Variants in FER1L6 observed in about 807,000 individuals in gnomAD.
The protein encoded by FER1L6 is fer-1 like family member 6.
In FER1L6, 177 loss-of-function variants were observed where a neutral mutation model predicts 219.2. The ratio of observed to expected loss-of-function variants is 0.81; its 90% confidence interval spans 0.71 to 0.91. The LOEUF (loss-of-function observed/expected upper bound fraction) is 0.91, where lower values mean the gene tolerates loss of function less well. FER1L6 is among the 40% of genes least tolerant of loss of function. The pLI is 0.00. For synonymous variants in FER1L6, 768 were observed against 824.3 expected (o/e 0.93, Z 1.17); for missense variants, 2,153 against 2,259.9 (o/e 0.95, Z 0.96).
chr8:123,941,892 G>A (rs1325639372), intron 1 of FER1L6, among the ~76,000 whole-genome samples: 5 of 152,024 alleles, frequency 3.3e-5, no homozygotes, highest in African/African-American at 1.2e-4. Flanking sequence ...GATCAGCTGT[G>A]TACCCTCGGA....
In FER1L6 at chr8:123,973,422, C is replaced by T; in HGVS notation, c.448-12C>T. 2 of 1,609,848 alleles carry T rather than the reference C, an allele frequency of 1.2e-6. No homozygotes were observed. The highest frequency in any genetic ancestry group is 1.7e-6 in the Non-Finnish European group (2 of 1,176,038). ...GTAAATCTGCCATACTCCCTGCTCT[C>T]TCTCTCCTCAGGTCTTTCACCACAA... On this transcript the variant is annotated splice_polypyrimidine_tract_variant and intron_variant, in intron 6 of 40. Coordinates refer to ENST00000522917, the MANE Select transcript of FER1L6 (RefSeq NM_001039112.2).
In FER1L6 at chr8:123,853,856, G is replaced by A. The variant is rs992462202; in HGVS notation, c.-8+1671G>A. On this transcript the variant is annotated intron_variant, in intron 1 of 40. Transcript: ENST00000522917. This position sits in a 1 kb window ranked among gnomAD's most constrained non-coding sequence, Gnocchi z 6.6. ...ATGAAGCCACAGTGATGCTACCCAG[G>A]GACTCTGCAGAGCTGCCAGTCTCCT... Among the ~76,000 whole-genome samples the A allele has an allele frequency of 2.0e-5, 3 of 152,170 alleles. No individual in the cohort carries two copies. Among genetic ancestry groups the A allele is most frequent in the African/African-American group, 7.2e-5 (3 of 41,444 alleles).
chr8:123,868,374 A>G (rs187797397), intron 1 of FER1L6, among the ~76,000 whole-genome samples: 42 of 152,354 alleles, frequency 2.8e-4, no homozygotes, highest in African/African-American at 9.4e-4. Flanking sequence ...GCCTAAAAAC[A>G]TAGCATCATT....
chr8:123,979,024 C>T (rs1214746461), intron 10 of FER1L6, among the ~76,000 whole-genome samples: 4 of 152,146 alleles, frequency 2.6e-5, no homozygotes, highest in Non-Finnish European at 4.4e-5. Context: ...ACCATAAAAT[C>T]TTTCTATCCT....
Position 124,035,348 on chromosome 8 carries a change from C to T in FER1L6, c.2358C>T (p.Ile786=). The T allele has an allele frequency of 6.2e-7, 1 of 1,614,120 alleles. No homozygotes were observed. Among genetic ancestry groups the T allele is most frequent in the Non-Finnish European group, 8.5e-7 (1 of 1,179,996 alleles). ...KVDVYLWLGS[I]KHASAILDNL... is the part of the protein sequence containing the mutation. ...ACGTGTACCTGTGGCTGGGCTCCAT[C>T]AAGCATGCCAGTGCCATTTTGGACA... Residue 786 remains isoleucine (I), a synonymous_variant, in exon 19 of 41, where the codon ATC becomes ATT. Transcript: ENST00000522917.
chr8:123,946,070 G>C (rs11996680), intron 1 of FER1L6, among the ~76,000 whole-genome samples: 1 of 152,148 alleles, frequency 6.6e-6, no homozygotes, highest in South Asian at 2.1e-4. Context: ...GAGAGGAAGC[G>C]TTGTAGGGGT....
At chr8:124,012,785 A>G (rs1416750480) in intron 14 of FER1L6, among the ~76,000 whole-genome samples, 1 of 152,250 alleles carries the variant, frequency 6.6e-6, no homozygotes, top group African/African-American at 2.4e-5. Flanking sequence ...GGGATATGGT[A>G]GAGAATATAG....
intron 18 of FER1L6, among the ~76,000 whole-genome samples, chr8:124,029,075 C>T (rs1003573172): frequency 6.6e-6 from 1 of 152,164 alleles, no homozygotes; most frequent in Non-Finnish European, 1.5e-5. Flanking sequence ...TGGTGGCTTC[C>T]AGCTTCATCC....
intron 18 of FER1L6, among the ~76,000 whole-genome samples, chr8:124,029,654 C>A (rs1181347016): frequency 2.0e-5 from 3 of 151,838 alleles, no homozygotes. Context: ...TTTGTAAATT[C>A]TGGATATTAG....
chr8:124,105,771 G>C (rs998150912), intron 39 of FER1L6, among the ~76,000 whole-genome samples: 1 of 152,156 alleles, frequency 6.6e-6, no homozygotes, highest in Admixed American at 6.5e-5. Context: ...CAGCTGATGA[G>C]TCCATTTTTA....
rs1340357637 is a variant in FER1L6 at position 123,853,265 on chromosome 8, G to C, written c.-8+1080G>C. Among the ~76,000 whole-genome samples the C allele has an allele frequency of 1.3e-5, 2 of 152,086 alleles. No homozygotes were observed. Among genetic ancestry groups the C allele is most frequent in the Non-Finnish European group, 2.9e-5 (2 of 68,028 alleles). ...CACCTCCCAGGTTCAAGTGAGTCTC[G>C]TGCCTCAGGCTCCAGAATAGCTGGG... On this transcript the variant is annotated intron_variant, in intron 1 of 40. Transcript: ENST00000522917. This position sits in a 1 kb window ranked among gnomAD's most constrained non-coding sequence, Gnocchi z 6.6.
intron 12 of FER1L6, among the ~76,000 whole-genome samples, chr8:124,001,141 G>T (rs1817392673): frequency 6.6e-6 from 1 of 152,218 alleles, no homozygotes. Context: ...TCCCTTAGTG[G>T]ACTGGGATCC....
intron 28 of FER1L6, 75 bp from the exon 29 acceptor site, chr8:124,069,280 AAAAGG>A: frequency 9.2e-7 from 1 of 1,085,132 alleles, no homozygotes; most frequent in Non-Finnish European, 1.4e-6. Flanking sequence ...ACATGTCAGC[AAAAGG>A]AAAGAAGGAG....
chr8:123,916,343 G>A (rs76551319), intron 1 of FER1L6, among the ~76,000 whole-genome samples: 3,674 of 152,286 alleles, frequency 0.024, 145 homozygotes, highest in African/African-American at 0.084. Flanking sequence ...ACAGAAACAT[G>A]TATTCGGGAT....
chr8:123,875,559 AT>A (rs767003647), intron 1 of FER1L6, among the ~76,000 whole-genome samples: 107 of 152,266 alleles, frequency 7.0e-4, no homozygotes, highest in Non-Finnish European at 1.1e-3. Flanking sequence ...CCAATTTTAT[AT>A]CTGTACCCTG....
At position 124,060,647 on chromosome 8, in the gene FER1L6, T is replaced by C. The variant is rs1380547678; in HGVS notation, c.3085T>C (p.Cys1029Arg). 2 of 1,614,136 alleles carry C rather than the reference T, an allele frequency of 1.2e-6. No homozygotes were observed. The highest frequency in any genetic ancestry group is 1.7e-5 in the Admixed American group (1 of 60,022). The stretch of plus-strand genomic sequence containing the variant: ...GTGCGGAGGACAAGGTGTGAAGTCC[T>C]GCGTGATCCAGAGCTACAAGAACAA... ...IECGGQGVKS[C>R]VIQSYKNNPN... The change falls in exon 24 of 41, where the codon TGC (cysteine) becomes CGC (arginine). Residue 1029 changes from cysteine (C) to arginine (R), a missense_variant. Coordinates refer to ENST00000522917, the MANE Select transcript of FER1L6 (RefSeq NM_001039112.2).
rs1232060489 is a variant in FER1L6 at position 124,119,966 on chromosome 8, GT to G, written c.*179del. On this transcript the variant is annotated 3_prime_UTR_variant, in exon 41 of 41. Transcript: ENST00000522917. ...TCCCTGCTCCAACCCCTGCCTCCAA[GT>G]TTCAAACTTGTAAGGCATGTTTTAT... 10 of 606,464 alleles carry G rather than the reference GT, an allele frequency of 1.6e-5. No individual in the cohort carries two copies. Among genetic ancestry groups the G allele is most frequent in the Non-Finnish European group, 2.7e-5 (10 of 377,356 alleles). 37.6% of individuals were successfully genotyped at this position (606,464 alleles called of 1,614,324 possible).
At chr8:124,012,506 T>G (rs1266030482) in intron 14 of FER1L6, among the ~76,000 whole-genome samples, 2 of 152,260 alleles carry the variant, frequency 1.3e-5, no homozygotes, top group African/African-American at 4.8e-5. Context: ...CTAACCACCA[T>G]GAGAGACATG....
intron 12 of FER1L6, among the ~76,000 whole-genome samples, chr8:124,002,022 A>G (rs987564820): frequency 3.3e-5 from 5 of 152,188 alleles, no homozygotes; most frequent in African/African-American, 1.2e-4. Context: ...CAGGGAGACC[A>G]GCTACAGCCT....
Sources: gnomAD v4.1 joint callset for allele counts (sites outside exome capture counted in the v4.1 genomes callset) on GRCh38, gnomAD v4.1.1 for gene constraint, Gnocchi (gnomAD v3.1) non-coding constraint, MANE v1.5 for transcripts, NCBI Gene and HGNC (gene_info 2026-07-23, HGNC 2026-07-21) for gene names.